PTGER3: variants seen among roughly 807,000 people sequenced by gnomAD.
The protein encoded by PTGER3 is prostaglandin E receptor 3.
PTGER3 carries 22 observed loss-of-function variants against 34.7 expected under a neutral mutation model. The ratio of observed to expected loss-of-function variants is 0.63; its 90% CI spans 0.45 to 0.91. The LOEUF is 0.91. PTGER3 is among the 40% of genes least tolerant of loss of function. The probability of loss-of-function intolerance (pLI) is 0.00; values close to 1 mark genes in which losing one functional copy is unlikely to be tolerated. For synonymous variants in PTGER3, 241 were observed against 230.1 expected (o/e 1.05, Z -0.43); for missense variants, 468 against 519.4 (o/e 0.90, Z 0.96).
chr1:70,892,587 T>A (rs1466716990), intron 4 of PTGER3, among the ~76,000 whole-genome samples: 1 of 152,156 alleles, frequency 6.6e-6, no homozygotes, highest in African/African-American at 2.4e-5. Flanking sequence ...ACACCTGTAA[T>A]CCCAGCACTT....
Position 71,040,612 on chromosome 1 carries a change from G to GA in PTGER3, c.897+6068dup, listed in dbSNP as rs376789999. Among the ~76,000 whole-genome samples the GA allele has an allele frequency of 7.1e-3, 1,047 of 146,886 alleles. 16 individuals carry two copies. The highest frequency in any genetic ancestry group is 0.025 in the African/African-American group (1,009 of 40,124). ...GCAACAGCGAGACTTTGTCTCAAAA[G>GA]AAAAAAAAAAGTATTCAGTCAATAA... On this transcript the variant is annotated intron_variant, in intron 1 of 3. Transcript: ENST00000306666.
chr1:70,886,712 C>T (rs1247570982), intron 4 of PTGER3, among the ~76,000 whole-genome samples: 5 of 152,268 alleles, frequency 3.3e-5, no homozygotes, highest in Admixed American at 6.5e-5. Flanking sequence ...CTAGAATAAG[C>T]GTCTCATGAG....
chr1:71,046,553 G>C (rs1271050062), intron 1 of PTGER3, 128 bp downstream of exon 1: 1 of 1,175,354 alleles, frequency 8.5e-7, no homozygotes, highest in African/African-American at 1.6e-5. Flanking sequence ...GCGCGGGCAG[G>C]AGGAAAGGAC....
chr1:70,993,568 T>C (rs140009667), intron 2 of PTGER3, among the ~76,000 whole-genome samples: 2,762 of 152,214 alleles, frequency 0.018, 108 homozygotes, highest in African/African-American at 0.063. Context: ...AGAGGGTTAA[T>C]AACAAAAAGC....
chr1:71,041,698 T>G (rs1312789040), intron 1 of PTGER3, among the ~76,000 whole-genome samples: 2 of 152,200 alleles, frequency 1.3e-5, no homozygotes, highest in East Asian at 3.8e-4. Context: ...CCTGTCTTTT[T>G]GTAAAGCAAT....
intron 4 of PTGER3, among the ~76,000 whole-genome samples, chr1:70,901,249 G>C (rs1276133868): frequency 6.6e-6 from 1 of 152,106 alleles, no homozygotes; most frequent in East Asian, 1.9e-4. Context: ...AATCTAAGCT[G>C]TCCCTAAATT....
chr1:70,853,326 A>G (rs1645723919), intron 4 of PTGER3, among the ~76,000 whole-genome samples: 1 of 152,242 alleles, frequency 6.6e-6, no homozygotes, highest in Non-Finnish European at 1.5e-5. Flanking sequence ...GTTAAAAGAC[A>G]TAATAAAGAA....
chr1:70,891,171 C>T (rs1646608803), intron 4 of PTGER3, among the ~76,000 whole-genome samples: 1 of 152,234 alleles, frequency 6.6e-6, no homozygotes, highest in Admixed American at 6.5e-5. Context: ...TGTCAACCAG[C>T]AGTGCCTTTG....
chr1:70,932,444 G>A (rs1209981436), intron 4 of PTGER3, among the ~76,000 whole-genome samples: 1 of 152,078 alleles, frequency 6.6e-6, no homozygotes, highest in African/African-American at 2.4e-5. Flanking sequence ...TTTTCATGCT[G>A]CTGATAAAGA....
At chr1:71,008,385 T>C (rs1657154204) in intron 2 of PTGER3, 2 of 869,798 alleles carry the variant, frequency 2.3e-6, no homozygotes, top group Middle Eastern at 5.9e-4. Flanking sequence ...TGTAATGGTA[T>C]ATGACTAAAC....
At chr1:70,946,325 A>C (rs1006787953) in intron 4 of PTGER3, among the ~76,000 whole-genome samples, 1 of 151,990 alleles carries the variant, frequency 6.6e-6, no homozygotes, top group Non-Finnish European at 1.5e-5. Flanking sequence ...GCACTATCTC[A>C]CTCCCAGTTT....
intron 4 of PTGER3, among the ~76,000 whole-genome samples, chr1:70,940,791 C>T (rs1649686708): frequency 6.6e-6 from 1 of 152,190 alleles, no homozygotes; most frequent in African/African-American, 2.4e-5. Flanking sequence ...TGAGTGGGGA[C>T]ACAGACAAAC....
intron 4 of PTGER3, among the ~76,000 whole-genome samples, chr1:70,936,557 C>T (rs1027612449): frequency 6.6e-6 from 1 of 152,050 alleles, no homozygotes; most frequent in Non-Finnish European, 1.5e-5. Flanking sequence ...GAAGATCAGA[C>T]TGAGGATCTG....
At chr1:70,988,461 T>C (rs1490513943) in intron 2 of PTGER3, among the ~76,000 whole-genome samples, 1 of 152,176 alleles carries the variant, frequency 6.6e-6, no homozygotes, top group Non-Finnish European at 1.5e-5. Context: ...TTCCAGCCGA[T>C]TATTTGTGAG....
intron 2 of PTGER3, chr1:71,011,567 C>T: frequency 1.0e-6 from 1 of 984,798 alleles, no homozygotes; most frequent in Non-Finnish European, 1.2e-6. Flanking sequence ...TGGGTAGTCA[C>T]AAACTCCATA....
intron 2 of PTGER3, among the ~76,000 whole-genome samples, chr1:70,977,834 T>C (rs1296299463): frequency 6.6e-6 from 1 of 152,082 alleles, no homozygotes; most frequent in Non-Finnish European, 1.5e-5. Context: ...TGCAGTCGAA[T>C]GTTTTGCCTC....
downstream of PTGER3, among the ~76,000 whole-genome samples, chr1:70,949,126 AAC>A (rs1304591655): frequency 6.6e-6 from 1 of 151,904 alleles, no homozygotes; most frequent in East Asian, 1.9e-4. Context: ...TACATACACA[AAC>A]ACACATCTAC....
At chr1:70,874,644 C>T (rs1646235905) in intron 4 of PTGER3, among the ~76,000 whole-genome samples, 1 of 151,938 alleles carries the variant, frequency 6.6e-6, no homozygotes, top group Non-Finnish European at 1.5e-5. Context: ...TGTATTTCTC[C>T]TTTCTATCTC....
chr1:70,974,815 CTT>C (rs1653523321), intron 2 of PTGER3, among the ~76,000 whole-genome samples: 3 of 152,186 alleles, frequency 2.0e-5, no homozygotes, highest in South Asian at 4.1e-4. Flanking sequence ...ATTTCAAACT[CTT>C]TTCAAACTTT....
Sources: gnomAD v4.1 joint callset for allele counts (sites outside exome capture counted in the v4.1 genomes callset) on GRCh38, gnomAD v4.1.1 for gene constraint, MANE v1.5 for transcripts, NCBI Gene and HGNC (gene_info 2026-07-23, HGNC 2026-07-21) for gene names.